SCAI: variants seen among roughly 807,000 people sequenced by gnomAD.
The protein encoded by SCAI is protein SCAI.
In SCAI, 24 loss-of-function variants were observed where a neutral mutation model predicts 92.2. The ratio of observed to expected loss-of-function variants is 0.26; its 90% confidence interval spans 0.19 to 0.37. The LOEUF (loss-of-function observed/expected upper bound fraction) is 0.37, where lower values mean the gene tolerates loss of function less well. Ranked by LOEUF, SCAI falls within the 10% of genes least tolerant of loss-of-function variation. The pLI, the probability that SCAI is intolerant of heterozygous loss-of-function variation, is 1.00. For synonymous variants in SCAI, 261 were observed against 258.6 expected, an observed-to-expected ratio of 1.01 and a Z score of -0.09; for missense variants, 450 against 736.2, an observed-to-expected ratio of 0.61 and a Z score of 4.50.
At chr9:125,143,263 T>G (rs1588262960) in intron 1 of SCAI, 122 bp downstream of exon 1, 37 of 253,250 alleles carry the variant, frequency 1.5e-4, no homozygotes, top group Non-Finnish European at 1.6e-4. Context: ...CCCCCCAGCC[T>G]GCACCCCCCG....
intron 16 of SCAI, 90 bp downstream of exon 16, chr9:124,971,581 C>T: frequency 1.4e-6 from 2 of 1,401,172 alleles, no homozygotes; most frequent in Non-Finnish European, 2.0e-6. Context: ...GGGACACATA[C>T]CTTTAAAAAT....
chr9:125,066,058 A>G (rs1833862963), intron 2 of SCAI: 1 of 762,648 alleles, frequency 1.3e-6, no homozygotes, highest in Non-Finnish European at 2.4e-6. Context: ...AACCTCTGAT[A>G]CTGTATTGAA....
At chr9:125,100,882 C>G (rs1027991554) in intron 2 of SCAI, among the ~76,000 whole-genome samples, 1 of 152,146 alleles carries the variant, frequency 6.6e-6, no homozygotes, top group Non-Finnish European at 1.5e-5. Flanking sequence ...GCACAGGCCC[C>G]GAGTTAGCTT....
intron 9 of SCAI, among the ~76,000 whole-genome samples, chr9:125,013,418 T>C (rs1358347534): frequency 1.3e-5 from 2 of 152,160 alleles, no homozygotes; most frequent in Non-Finnish European, 2.9e-5. Context: ...GCAAATAAAC[T>C]AGAAAATCTA....
chr9:124,958,733 C>T (rs1334286052), intron 17 of SCAI, among the ~76,000 whole-genome samples: 1 of 151,880 alleles, frequency 6.6e-6, no homozygotes, highest in Non-Finnish European at 1.5e-5. Context: ...ATAGTGAAAA[C>T]CCCTCTCTAC....
chr9:125,063,820 C>T (rs1257561350), intron 2 of SCAI, among the ~76,000 whole-genome samples: 1 of 149,956 alleles, frequency 6.7e-6, no homozygotes, highest in Non-Finnish European at 1.5e-5. Context: ...ATGGCGGGAT[C>T]TCGGCTTACT....
chr9:125,121,761 G>A (rs971138454), intron 2 of SCAI, among the ~76,000 whole-genome samples: 2 of 152,128 alleles, frequency 1.3e-5, no homozygotes, highest in African/African-American at 4.8e-5. Flanking sequence ...GCTGAGGCAT[G>A]AGAATTGCTT....
intron 2 of SCAI, among the ~76,000 whole-genome samples, chr9:125,131,838 G>C (rs894709482): frequency 8.6e-5 from 13 of 151,904 alleles, no homozygotes; most frequent in African/African-American, 3.1e-4. Context: ...GTGTAGATTA[G>C]AAAAATGTTC....
intron 2 of SCAI, among the ~76,000 whole-genome samples, chr9:125,107,999 T>C (rs1834838732): frequency 6.6e-6 from 1 of 152,026 alleles, no homozygotes; most frequent in Non-Finnish European, 1.5e-5. Flanking sequence ...GCCTGACTGG[T>C]TTTCGTATTT....
At position 125,018,971 on chromosome 9, in the gene SCAI, G is replaced by T. The variant is rs367568413; in HGVS notation, c.709-20C>A. 6.2e-7 allele frequency: 1 copy of T among 1,609,858 alleles called. No homozygotes were observed. Among genetic ancestry groups the T allele is most frequent in the African/African-American group, 1.3e-5 (1 of 74,726 alleles). On this transcript the variant is annotated intron_variant, in intron 8 of 17. Coordinates refer to ENST00000336505, the MANE Select transcript of SCAI (RefSeq NM_001144877.3). ...ATCCGCCTAAAGAAAAAAGCAATAAGAACTTAACGAATGGCCAAGACTAAA... is the reference window on the plus strand; with the variant it reads ...ATCCGCCTAAAGAAAAAAGCAATAATAACTTAACGAATGGCCAAGACTAAA...
rs144698621 is a variant in SCAI at position 125,093,227 on chromosome 9, G to A, written c.99-37220C>T. 4.7e-3 allele frequency among the ~76,000 whole-genome samples: 711 copies of A among 152,180 alleles called. 4 individuals carry two copies. The highest frequency in any genetic ancestry group is 6.8e-3 in the Non-Finnish European group (461 of 68,008). On this transcript the variant is annotated intron_variant, in intron 2 of 17. Coordinates refer to ENST00000336505, the MANE Select transcript of SCAI (RefSeq NM_001144877.3). ...AATACAAAAATTAGCTGGGCATGGT[G>A]GTGCACGCCTGTAATCCCAGCTACT... is the stretch of plus-strand genomic sequence containing the variant.
At chr9:125,038,054 G>A (rs1008669876) in intron 3 of SCAI, among the ~76,000 whole-genome samples, 1 of 151,948 alleles carries the variant, frequency 6.6e-6, no homozygotes, top group Non-Finnish European at 1.5e-5. Context: ...CCCGGAGTTC[G>A]AGACCAGCCT....
chr9:125,138,895 G>A (rs1193751147), intron 2 of SCAI, among the ~76,000 whole-genome samples: 1 of 152,156 alleles, frequency 6.6e-6, no homozygotes, highest in Middle Eastern at 3.2e-3. Context: ...GCAGAGACAG[G>A]CTTATTAACT....
Position 125,129,576 on chromosome 9 carries a change from G to C in SCAI, c.98+13057C>G, listed in dbSNP as rs1460653272. Among the ~76,000 whole-genome samples the C allele has an allele frequency of 5.1e-5, 7 of 138,570 alleles. No individual in the cohort carries two copies. In the South Asian group the frequency reaches 1.6e-3, roughly 32 times the overall value. The allele number at this position is 138,570 out of a possible 152,430, so 90.9% of individuals were successfully genotyped here. On this transcript the variant is annotated intron_variant, in intron 2 of 17. Transcript: ENST00000336505. ...CCTCCCGGGTTCAAGTGATTCTCCT[G>C]CATCAGCCTACCAAGTAGATGGGAT...
chr9:124,959,614 C>T (rs1831398946), intron 17 of SCAI, among the ~76,000 whole-genome samples: 1 of 151,366 alleles, frequency 6.6e-6, no homozygotes, highest in African/African-American at 2.4e-5. Flanking sequence ...ACACATGTGC[C>T]ATGTTGGTGT....
intron 2 of SCAI, among the ~76,000 whole-genome samples, chr9:125,104,531 G>C (rs1834736579): frequency 6.9e-6 from 1 of 145,294 alleles, no homozygotes; most frequent in South Asian, 2.2e-4. Flanking sequence ...AAGACATTAA[G>C]GAAAAAACAA....
chr9:124,974,310 TG>T, intron 15 of SCAI: 1 of 423,660 alleles, frequency 2.4e-6, no homozygotes, highest in Non-Finnish European at 4.7e-6. Context: ...TAGCTGGGTG[TG>T]GTAGTGTATA....
At chr9:125,031,622 T>TG (rs1442791388) in intron 3 of SCAI, among the ~76,000 whole-genome samples, 1 of 152,178 alleles carries the variant, frequency 6.6e-6, no homozygotes, top group Non-Finnish European at 1.5e-5. Flanking sequence ...GAGATCAATT[T>TG]GGGGAATTCG....
At chr9:125,011,206 A>T (rs1832632009) in intron 9 of SCAI, among the ~76,000 whole-genome samples, 1 of 151,620 alleles carries the variant, frequency 6.6e-6, no homozygotes, top group African/African-American at 2.4e-5. Flanking sequence ...GAGTTGAGAG[A>T]AGAAGGCTTC....
Sources: allele counts gnomAD v4.1 joint callset (sites outside exome capture counted in the v4.1 genomes callset), GRCh38; gene constraint gnomAD v4.1.1; transcripts MANE v1.5; gene names NCBI Gene and HGNC (gene_info 2026-07-23, HGNC 2026-07-21).